CIMAP1D: variants seen among roughly 807,000 people sequenced by gnomAD.
CIMAP1D encodes the protein protein CIMAP1D.
the CIMAP1D span, among the ~76,000 whole-genome samples, chr19:469,567 G>C: frequency 6.6e-6 from 1 of 152,052 alleles, no homozygotes; most frequent in Admixed American, 6.5e-5. Flanking sequence ...GCGGGCGCCT[G>C]TAGTCCCAGC....
At chr19:487,516 G>T in the CIMAP1D span, among the ~76,000 whole-genome samples, 2 of 152,196 alleles carry the variant, frequency 1.3e-5, no homozygotes, top group African/African-American at 2.4e-5. Flanking sequence ...ACTCAATAAA[G>T]ATGTGCTGGC....
At chr19:467,601 G>C in the CIMAP1D span, 1 of 1,202,678 alleles carries the variant, frequency 8.3e-7, no homozygotes. Flanking sequence ...GAGTCGCTGA[G>C]ACCCTGGAAA....
At chr19:479,016 C>T in the CIMAP1D span, among the ~76,000 whole-genome samples, 5 of 152,230 alleles carry the variant, frequency 3.3e-5, no homozygotes, top group South Asian at 2.1e-4. Flanking sequence ...GGGCACGTCG[C>T]GCTATGGAGG....
At chr19:464,092 C>A in the CIMAP1D span, 1 of 1,529,366 alleles carries the variant, frequency 6.5e-7, no homozygotes, top group Non-Finnish European at 8.7e-7. Context: ...TCCGGGCTGT[C>A]GTACTGGCCC....
the CIMAP1D span, among the ~76,000 whole-genome samples, chr19:481,077 G>GGATAATGGAGAACGATGATGGAGAAC: frequency 7.9e-6 from 1 of 125,978 alleles, no homozygotes; most frequent in African/African-American, 3.1e-5. Context: ...ATGATGGGAA[G>GGATAATGGAGAACGATGATGGAGAAC]GATGATGGAG....
the CIMAP1D span, among the ~76,000 whole-genome samples, chr19:490,586 T>C: frequency 2.6e-5 from 4 of 152,212 alleles, no homozygotes; most frequent in Non-Finnish European, 4.4e-5. Context: ...AAAGTTCTAG[T>C]TGGAAAAGTG....
the CIMAP1D span, among the ~76,000 whole-genome samples, chr19:482,839 G>A: frequency 1.3e-5 from 2 of 152,082 alleles, no homozygotes; most frequent in Admixed American, 1.3e-4. Flanking sequence ...GCCATCATAC[G>A]AGCACCCCAG....
chr19:485,580 G>A, the CIMAP1D span, among the ~76,000 whole-genome samples: 1 of 152,250 alleles, frequency 6.6e-6, no homozygotes, highest in East Asian at 1.9e-4. Context: ...TGGGAATGAG[G>A]CGGCCCTGAC....
the CIMAP1D span, among the ~76,000 whole-genome samples, chr19:480,026 T>C: frequency 6.6e-6 from 1 of 152,234 alleles, no homozygotes; most frequent in East Asian, 1.9e-4. Context: ...ACAGGGTGGT[T>C]GGTGGTGTGA....
the CIMAP1D span, among the ~76,000 whole-genome samples, chr19:483,256 C>A: frequency 3.3e-5 from 5 of 149,808 alleles, no homozygotes; most frequent in African/African-American, 1.2e-4. Context: ...CCCATCCCCC[C>A]CCAACACCCA....
the CIMAP1D span, among the ~76,000 whole-genome samples, chr19:465,056 T>C: frequency 5.7e-5 from 8 of 140,200 alleles, no homozygotes; most frequent in Admixed American, 2.1e-4. Flanking sequence ...GGATAGATGA[T>C]GGATGGATGG....
chr19:472,686 A>G, the CIMAP1D span: 1 of 530,756 alleles, frequency 1.9e-6, no homozygotes, highest in Non-Finnish European at 3.3e-6. Context: ...TGAGTCAGAC[A>G]TGAATCACAG....
the CIMAP1D span, among the ~76,000 whole-genome samples, chr19:475,176 G>A: frequency 6.6e-6 from 1 of 152,164 alleles, no homozygotes; most frequent in Non-Finnish European, 1.5e-5. Flanking sequence ...TCTACACCTG[G>A]GGAAACTGAG....
At chr19:481,204 G>A in the CIMAP1D span, among the ~76,000 whole-genome samples, 1 of 143,916 alleles carries the variant, frequency 6.9e-6, no homozygotes, top group African/African-American at 2.7e-5. Context: ...GATGGGGAAG[G>A]ATGATGAGAA....
the CIMAP1D span, among the ~76,000 whole-genome samples, chr19:469,791 G>A: frequency 4.3e-4 from 66 of 152,170 alleles, no homozygotes; most frequent in Non-Finnish European, 5.4e-4. Flanking sequence ...TCGCCTCAAA[G>A]TGCTCACTGT....
At chr19:471,817 A>T in the CIMAP1D span, among the ~76,000 whole-genome samples, 1 of 151,280 alleles carries the variant, frequency 6.6e-6, no homozygotes, top group African/African-American at 2.4e-5. Context: ...ATCTCGGCTC[A>T]CCGCAAGCTC....
the CIMAP1D span, among the ~76,000 whole-genome samples, chr19:491,449 G>C: frequency 2.6e-5 from 4 of 152,166 alleles, no homozygotes; most frequent in African/African-American, 9.7e-5. Context: ...ACCCTCGGGA[G>C]AGGCCTGTGC....
At chr19:475,776 A>AT in the CIMAP1D span, among the ~76,000 whole-genome samples, 4,589 of 138,620 alleles carry the variant, frequency 0.033, 153 homozygotes, top group African/African-American at 0.075. Flanking sequence ...TTGCAGTGTA[A>AT]TTTTTTTTTT....
the CIMAP1D span, among the ~76,000 whole-genome samples, chr19:485,151 C>CCT: frequency 1.3e-5 from 2 of 152,086 alleles, no homozygotes; most frequent in Non-Finnish European, 2.9e-5. Context: ...ACCCTGCTGA[C>CCT]CTGCTTAGTT....
Sources: allele counts gnomAD v4.1 joint callset (sites outside exome capture counted in the v4.1 genomes callset), GRCh38; gene constraint gnomAD v4.1.1; transcripts MANE v1.5; gene names NCBI Gene and HGNC (gene_info 2026-07-23, HGNC 2026-07-21).